The following ZRANB3 variants were observed in gnomAD, a reference collection of about 807,000 sequenced individuals.
ZRANB3 encodes DNA annealing helicase and endonuclease ZRANB3.
A neutral mutation model predicts 133.8 loss-of-function variants in ZRANB3; 125 were observed. The ratio of observed to expected loss-of-function variants is 0.93; its 90% CI spans 0.81 to 1.08. The LOEUF (loss-of-function observed/expected upper bound fraction) is 1.08, where lower values mean the gene tolerates loss of function less well. Ranked by LOEUF, ZRANB3 falls within the 50% of genes least tolerant of loss-of-function variation. The pLI is 0.00. For synonymous variants in ZRANB3, 387 were observed against 432.7 expected (o/e 0.89, Z 1.31); for missense variants, 1,229 against 1,275.5 (o/e 0.96, Z 0.56).
chr2:135,472,652 T>C (rs1365063686), intron 2 of ZRANB3, among the ~76,000 whole-genome samples: 1 of 152,138 alleles, frequency 6.6e-6, no homozygotes, highest in Non-Finnish European at 1.5e-5. Context: ...CCATATTTCA[T>C]CATAACAAGA....
At chr2:135,241,497 A>T (rs1434075268) in intron 12 of ZRANB3, among the ~76,000 whole-genome samples, 1 of 150,730 alleles carries the variant, frequency 6.6e-6, no homozygotes, top group African/African-American at 2.4e-5. Context: ...ACTTTTGTTT[A>T]TCTTTTTCAT....
At chr2:135,477,280 G>A (rs1160441119) in intron 2 of ZRANB3, among the ~76,000 whole-genome samples, 1 of 152,170 alleles carries the variant, frequency 6.6e-6, no homozygotes, top group Non-Finnish European at 1.5e-5. Context: ...ATGATTAGAG[G>A]GGAAAACAGT....
At chr2:135,428,295 T>G (rs890036437) in intron 2 of ZRANB3, among the ~76,000 whole-genome samples, 1 of 151,852 alleles carries the variant, frequency 6.6e-6, no homozygotes, top group Non-Finnish European at 1.5e-5. Context: ...AATACAAAAA[T>G]TAGCCGGGCT....
At chr2:135,295,066 A>G (rs982038354) in intron 8 of ZRANB3, among the ~76,000 whole-genome samples, 3 of 152,114 alleles carry the variant, frequency 2.0e-5, no homozygotes, top group African/African-American at 7.2e-5. Flanking sequence ...AAAAGAATGT[A>G]TATTCTGTTG....
intron 2 of ZRANB3, among the ~76,000 whole-genome samples, chr2:135,500,435 G>A (rs1164793990): frequency 6.6e-6 from 1 of 152,028 alleles, no homozygotes; most frequent in East Asian, 1.9e-4. Flanking sequence ...ATTTTACATG[G>A]CAATGAGAAT....
At position 135,202,893 on chromosome 2, in the gene ZRANB3, C is replaced by A. The variant is rs372611635; in HGVS notation, c.3080G>T (p.Gly1027Val). Residue 1027 changes from glycine to valine, a missense_variant, in exon 20 of 21, where the codon GGG becomes GTG. Gly to Val is a moderately radical substitution (Grantham distance 109). Transcript: ENST00000264159. ...GTCCAGGGAACACTGTCCTCCTCCC[C>A]CATACACTGGCTTGATGTGATCCAC... The part of the protein sequence containing the change: ...WQVDHIKPVY[G>V]GGGQCSLDNL... 14 of 1,611,984 alleles carry A rather than the reference C, an allele frequency of 8.7e-6. No homozygotes were observed. The highest frequency in any genetic ancestry group is 1.7e-5 in the Admixed American group (1 of 59,800).
At chr2:135,527,545 C>G (rs1462231551) in intron 1 of ZRANB3, among the ~76,000 whole-genome samples, 1 of 149,304 alleles carries the variant, frequency 6.7e-6, no homozygotes, top group African/African-American at 2.5e-5. Flanking sequence ...AAGACTCTGT[C>G]GCAAAATAAA....
intron 2 of ZRANB3, among the ~76,000 whole-genome samples, chr2:135,424,588 C>A (rs1188837074): frequency 1.3e-5 from 2 of 152,014 alleles, no homozygotes; most frequent in Non-Finnish European, 2.9e-5. Flanking sequence ...CAAAAATTAG[C>A]CGAGCATGGT....
chr2:135,368,818 A>G (rs969468349), intron 3 of ZRANB3, among the ~76,000 whole-genome samples: 1 of 152,068 alleles, frequency 6.6e-6, no homozygotes, highest in African/African-American at 2.4e-5. Context: ...TCAATCCATG[A>G]ATTAATGATC....
chr2:135,514,586 A>C (rs1011276379), intron 1 of ZRANB3, among the ~76,000 whole-genome samples: 3 of 152,188 alleles, frequency 2.0e-5, no homozygotes, highest in Non-Finnish European at 2.9e-5. Context: ...GTCATCTGCA[A>C]ACAGACAATT....
intron 2 of ZRANB3, among the ~76,000 whole-genome samples, chr2:135,469,421 T>C (rs1251337012): frequency 1.3e-5 from 2 of 152,200 alleles, no homozygotes; most frequent in Non-Finnish European, 2.9e-5. Flanking sequence ...GAAATTCTAA[T>C]ACAAATAACT....
At chr2:135,388,464 C>T (rs1434095627) in intron 3 of ZRANB3, among the ~76,000 whole-genome samples, 1 of 150,650 alleles carries the variant, frequency 6.6e-6, no homozygotes, top group African/African-American at 2.4e-5. Context: ...AATGGTGTAC[C>T]ATAACTGCTA....
chr2:135,407,946 A>G (rs1190583288), intron 2 of ZRANB3, among the ~76,000 whole-genome samples: 2 of 149,554 alleles, frequency 1.3e-5, no homozygotes, highest in Admixed American at 1.3e-4. Flanking sequence ...ACCAAAAGCA[A>G]TGGCAACAAA....
At chr2:135,231,697 A>G (rs1408812824) in intron 12 of ZRANB3, among the ~76,000 whole-genome samples, 6 of 152,156 alleles carry the variant, frequency 3.9e-5, no homozygotes, top group African/African-American at 1.2e-4. Context: ...CTGAGGTGGG[A>G]AGACTGCTGG....
At chr2:135,524,243 G>A (rs928704551) in intron 1 of ZRANB3, among the ~76,000 whole-genome samples, 1 of 151,924 alleles carries the variant, frequency 6.6e-6, no homozygotes, top group Non-Finnish European at 1.5e-5. Flanking sequence ...CACCACAGCT[G>A]GCTACTTTTT....
chr2:135,511,250 A>G, intron 1 of ZRANB3: 1 of 1,030,508 alleles, frequency 9.7e-7, no homozygotes, highest in Non-Finnish European at 1.5e-6. Flanking sequence ...GTGCTGGAGA[A>G]GAACTCTTCT....
intron 8 of ZRANB3, among the ~76,000 whole-genome samples, chr2:135,300,885 A>G (rs1028109423): frequency 1.3e-5 from 2 of 152,128 alleles, no homozygotes; most frequent in Non-Finnish European, 2.9e-5. Flanking sequence ...TGATTATTGT[A>G]CTCCAATCCA....
intron 12 of ZRANB3, chr2:135,238,909 G>T (rs1695430665): frequency 6.6e-6 from 1 of 152,182 alleles, no homozygotes; most frequent in South Asian, 2.1e-4. Flanking sequence ...CTTCAGAGAA[G>T]TTTTCAGCCC....
chr2:135,268,640 T>C (rs1573794977), intron 11 of ZRANB3, among the ~76,000 whole-genome samples: 1 of 152,092 alleles, frequency 6.6e-6, no homozygotes, highest in East Asian at 1.9e-4. Flanking sequence ...CTAGAAAAGG[T>C]TTATTCTTAG....
Sources: allele counts gnomAD v4.1 joint callset (sites outside exome capture counted in the v4.1 genomes callset), GRCh38; gene constraint gnomAD v4.1.1; transcripts MANE v1.5; gene names NCBI Gene and HGNC (gene_info 2026-07-23, HGNC 2026-07-21).